The following PHACTR3 variants were observed in gnomAD, a reference collection of about 807,000 sequenced individuals.
The protein encoded by PHACTR3 is phosphatase and actin regulator 3, also known as protein phosphatase 1, regulatory subunit 123.
Under a neutral mutation model 66.8 loss-of-function variants are expected in PHACTR3, and 16 were observed. The ratio of observed to expected loss-of-function variants is 0.24; its 90% CI spans 0.16 to 0.36. The LOEUF is 0.36. Ranked by LOEUF, PHACTR3 falls within the 10% of genes least tolerant of loss-of-function variation. The pLI is 1.00. For missense variants in PHACTR3, 647 were observed against 719.9 expected, an observed-to-expected ratio of 0.90 and a Z score of 1.16; for synonymous variants, 323 against 292.1, an observed-to-expected ratio of 1.11 and a Z score of -1.08.
chr20:59,585,657 G>A (rs1012563156), intron 1 of PHACTR3, among the ~76,000 whole-genome samples: 1 of 152,216 alleles, frequency 6.6e-6, no homozygotes, highest in Non-Finnish European at 1.5e-5. Context: ...CACCTAGCAG[G>A]TGTGCTGTAA....
rs1179445122 is a variant in PHACTR3 at position 59,755,277 on chromosome 20, G to T, written c.454G>T (p.Ala152Ser). 1 of 1,613,702 alleles carries T rather than the reference G, an allele frequency of 6.2e-7. No individual in the cohort carries two copies. The highest frequency in any genetic ancestry group is 1.6e-4 in the Middle Eastern group (1 of 6,062). Reference protein sequence around the residue: ...PKSETLTSEDAQPGSPLATGT... With the variant: ...PKSETLTSEDSQPGSPLATGT... ...GTCGGAGACGCTGACTTCAGAAGAT[G>T]CCCAGCCCGGAAGCCCCTTGGCCAC... Residue 152 changes from alanine (A) to serine (S), a missense_variant, in exon 4 of 13, where the codon GCC becomes TCC. Ala to Ser is a moderately conservative substitution (Grantham distance 99). Around this residue, in one of 2 missense-constraint regions of PHACTR3, gnomAD observed 577 missense variants for 571.1 expected, o/e 1.01. Coordinates refer to ENST00000371015, the MANE Select transcript of PHACTR3 (RefSeq NM_080672.5).
intron 7 of PHACTR3, among the ~76,000 whole-genome samples, chr20:59,780,655 G>T (rs1317300848): frequency 6.6e-6 from 1 of 152,172 alleles, no homozygotes. Context: ...CTGGCCCCTG[G>T]CATTGGGAAT....
rs532671021 is a variant in PHACTR3 at position 59,622,768 on chromosome 20, C to T, written c.118+17636C>T. ...CACCAGCTCCCATCTGTCCATCTGT[C>T]CTGGGCTGCTGGGGGAGCCGGCTCT... On this transcript the variant is annotated intron_variant, in intron 1 of 12. Coordinates refer to ENST00000371015, the MANE Select transcript of PHACTR3 (RefSeq NM_080672.5). Among the ~76,000 whole-genome samples, 4 of 152,018 alleles carry T rather than the reference C, an allele frequency of 2.6e-5. No homozygotes were observed. The South Asian group carries it at 8.3e-4, about 32-fold the overall frequency.
intron 1 of PHACTR3, among the ~76,000 whole-genome samples, chr20:59,618,569 G>T (rs1034014412): frequency 2.6e-5 from 4 of 152,212 alleles, no homozygotes; most frequent in Non-Finnish European, 4.4e-5. Flanking sequence ...AGGAGAGGAG[G>T]CTCAATCTCA....
At chr20:59,789,665 T>C (rs2041030375) in intron 7 of PHACTR3, among the ~76,000 whole-genome samples, 1 of 152,132 alleles carries the variant, frequency 6.6e-6, no homozygotes, top group Non-Finnish European at 1.5e-5. Flanking sequence ...GAAAACCAAA[T>C]GGAAGTTCTA....
At chr20:59,742,695 A>G (rs4810185) in intron 1 of PHACTR3, among the ~76,000 whole-genome samples, 167 of 152,080 alleles carry the variant, frequency 1.1e-3, no homozygotes, top group Middle Eastern at 3.4e-3. Flanking sequence ...GAAGGTAAAG[A>G]CTCTGGACAA....
At chr20:59,723,070 C>CTT (rs1168860456) in intron 1 of PHACTR3, among the ~76,000 whole-genome samples, 1 of 120,142 alleles carries the variant, frequency 8.3e-6, no homozygotes, top group African/African-American at 3.7e-5. Flanking sequence ...CTCTTTCTTT[C>CTT]TTTCTTTCTT....
At chr20:59,756,275 A>G (rs948161305) in intron 4 of PHACTR3, among the ~76,000 whole-genome samples, 7 of 152,180 alleles carry the variant, frequency 4.6e-5, no homozygotes, top group Non-Finnish European at 1.0e-4. Flanking sequence ...ATTTCAAGCT[A>G]TAAGCGAGTC....
intron 1 of PHACTR3, among the ~76,000 whole-genome samples, chr20:59,640,942 A>G (rs986160883): frequency 2.6e-5 from 4 of 152,290 alleles, no homozygotes; most frequent in Admixed American, 2.6e-4. Flanking sequence ...CATTATTGTT[A>G]CAGGTTTCTT....
chr20:59,809,761 C>A (rs1375251949), intron 8 of PHACTR3, among the ~76,000 whole-genome samples: 1 of 152,144 alleles, frequency 6.6e-6, no homozygotes, highest in Non-Finnish European at 1.5e-5. Flanking sequence ...TCCCCGCCAC[C>A]CCTACTCAGT....
At chr20:59,639,580 G>A (rs1185501275) in intron 1 of PHACTR3, among the ~76,000 whole-genome samples, 1 of 152,168 alleles carries the variant, frequency 6.6e-6, no homozygotes, top group Non-Finnish European at 1.5e-5. Context: ...TTTGAGGAGT[G>A]TTTTGGGAGG....
chr20:59,804,032 G>T (rs900232907), intron 7 of PHACTR3, among the ~76,000 whole-genome samples: 1 of 152,162 alleles, frequency 6.6e-6, no homozygotes, highest in Non-Finnish European at 1.5e-5. Flanking sequence ...CAATCAGTGG[G>T]TAGAAGGGTC....
chr20:59,605,190 G>A, intron 1 of PHACTR3, 58 bp downstream of exon 1: 1 of 1,205,866 alleles, frequency 8.3e-7, no homozygotes, highest in Non-Finnish European at 1.1e-6. Context: ...AGGTGGCGCT[G>A]AGAGCAGGAC....
chr20:59,593,397 A>G (rs886858338), intron 1 of PHACTR3, among the ~76,000 whole-genome samples: 1 of 152,088 alleles, frequency 6.6e-6, no homozygotes, highest in African/African-American at 2.4e-5. Context: ...TATATTTTGG[A>G]TAACAGTCCT....
chr20:59,702,135 AT>A (rs1209402391), intron 1 of PHACTR3, among the ~76,000 whole-genome samples: 1 of 152,074 alleles, frequency 6.6e-6, no homozygotes, highest in Non-Finnish European at 1.5e-5. Flanking sequence ...GCTTCATCCC[AT>A]TTTTTGGCAT....
chr20:59,763,571 G>A (rs2040076392), intron 4 of PHACTR3, among the ~76,000 whole-genome samples: 1 of 152,240 alleles, frequency 6.6e-6, no homozygotes, highest in African/African-American at 2.4e-5. Flanking sequence ...GCCTCCAGAT[G>A]GAGATGCCAG....
At position 59,774,327 on chromosome 20, in the gene PHACTR3, G is replaced by A. The variant is rs908098087; in HGVS notation, c.1011G>A (p.Lys337=). The change falls in exon 7 of 13, where the codon AAG becomes AAA. Residue 337 remains lysine (K), a synonymous_variant. Transcript: ENST00000371015. ...GAACGTCCAGCGTGGAGCGGGGCAA[G>A]GAGAGGGAGGAGGCTTGGAGCTTTG... is the stretch of plus-strand genomic sequence containing the variant. ...LSRTSSVERG[K]EREEAWSFDG... The A allele has an allele frequency of 6.2e-7, 1 of 1,614,218 alleles. No homozygotes were observed. Among genetic ancestry groups the A allele is most frequent in the Admixed American group, 1.7e-5 (1 of 60,020 alleles).
intron 7 of PHACTR3, 89 bp from the exon 8 acceptor site, chr20:59,805,952 G>T: frequency 7.1e-7 from 1 of 1,411,352 alleles, no homozygotes; most frequent in Non-Finnish European, 9.7e-7. Context: ...TCCTCTGGCA[G>T]GTGGGCGGCT....
intron 1 of PHACTR3, among the ~76,000 whole-genome samples, chr20:59,741,577 C>T (rs755596048): frequency 1.2e-4 from 19 of 152,126 alleles, no homozygotes; most frequent in African/African-American, 1.9e-4. Flanking sequence ...ATGGAGGTGA[C>T]GCTGGCTTAC....
Sources: gnomAD v4.1 joint callset for allele counts (sites outside exome capture counted in the v4.1 genomes callset) on GRCh38, gnomAD v4.1.1 for gene constraint, gnomAD v4.1.1 regional missense constraint, MANE v1.5 for transcripts, NCBI Gene and HGNC (gene_info 2026-07-23, HGNC 2026-07-21) for gene names.